Variants in AMMECR1 observed in about 807,000 individuals in gnomAD.
AMMECR1 encodes the protein AMMECR nuclear protein 1.
Under a neutral mutation model 22.5 loss-of-function variants are expected in AMMECR1, and 3 were observed. The ratio of observed to expected loss-of-function variants is 0.13; its 90% confidence interval spans 0.06 to 0.35. The LOEUF (loss-of-function observed/expected upper bound fraction) is 0.35, where lower values mean the gene tolerates loss of function less well. Among genes scored for constraint, AMMECR1 ranks in the 10% least tolerant of loss-of-function variants. The pLI is 1.00. For synonymous variants in AMMECR1, 130 were observed against 116.7 expected, an observed-to-expected ratio of 1.11 and a Z score of -0.74; for missense variants, 235 against 278.7, an observed-to-expected ratio of 0.84 and a Z score of 1.12.
At chrX:110,331,813 C>T (rs1488469170) in intron 2 of AMMECR1, among the ~76,000 whole-genome samples, 1 of 111,821 alleles carries the variant, frequency 8.9e-6, no homozygotes, top group Non-Finnish European at 1.9e-5. Context: ...ATTATCCTCC[C>T]CCCAAGACTT....
chrX:110,207,843 T>A (rs1212582707), intron 3 of AMMECR1, among the ~76,000 whole-genome samples: 5 of 111,549 alleles, frequency 4.5e-5, no homozygotes, highest in Non-Finnish European at 9.4e-5. Flanking sequence ...TACAAAAAAA[T>A]TCCCTTTAGA....
intron 3 of AMMECR1, among the ~76,000 whole-genome samples, chrX:110,202,754 T>C (rs1157080481): frequency 1.8e-5 from 2 of 111,734 alleles, no homozygotes; most frequent in African/African-American, 6.5e-5. Flanking sequence ...CAACATGCAC[T>C]AGGCTATGAT....
chrX:110,308,176 C>T (rs1349853964), intron 1 of AMMECR1, among the ~76,000 whole-genome samples: 1 of 111,625 alleles, frequency 9.0e-6, no homozygotes, highest in Admixed American at 9.5e-5. Flanking sequence ...GGCACCTAGC[C>T]AGAATAATTA....
At chrX:110,200,816 C>T in intron 5 of AMMECR1, 138 bp downstream of exon 5, 1 of 460,156 alleles carries the variant, frequency 2.2e-6, no homozygotes, top group African/African-American at 2.4e-5. Context: ...TATCCACCCT[C>T]AGTATGACCC....
At chrX:110,226,582 A>G (rs1446562356) in intron 2 of AMMECR1, among the ~76,000 whole-genome samples, 1 of 111,020 alleles carries the variant, frequency 9.0e-6, no homozygotes, top group Non-Finnish European at 1.9e-5. Flanking sequence ...ACTCCAGCCC[A>G]GGCAACAAAG....
intron 2 of AMMECR1, among the ~76,000 whole-genome samples, chrX:110,329,234 CAT>C (rs1317928792): frequency 8.9e-6 from 1 of 112,260 alleles, no homozygotes; most frequent in Non-Finnish European, 1.9e-5. Flanking sequence ...AGCTTTTTTT[CAT>C]ATGTTTCTTG....
chrX:110,203,490 T>C (rs1026936160), intron 3 of AMMECR1, among the ~76,000 whole-genome samples: 2 of 111,686 alleles, frequency 1.8e-5, no homozygotes, highest in South Asian at 3.7e-4. Context: ...TTTGTGAACA[T>C]TGATAATAAA....
chrX:110,313,032 A>G (rs1054005848), intron 1 of AMMECR1, among the ~76,000 whole-genome samples: 35 of 111,989 alleles, frequency 3.1e-4, no homozygotes, highest in African/African-American at 1.1e-3. Context: ...ATACAAATTT[A>G]ATATCATTTT....
At chrX:110,361,956 G>A (rs1465665795) in intron 2 of AMMECR1, among the ~76,000 whole-genome samples, 3 of 111,594 alleles carry the variant, frequency 2.7e-5, no homozygotes, top group Non-Finnish European at 3.8e-5. Flanking sequence ...AACAGGGAGC[G>A]GGCTAGATTT....
chrX:110,203,436 A>C (rs894546208), intron 3 of AMMECR1, among the ~76,000 whole-genome samples: 4 of 111,873 alleles, frequency 3.6e-5, no homozygotes, highest in African/African-American at 9.7e-5. Flanking sequence ...CTCACATAGA[A>C]TAGTATACAG....
chrX:110,350,414 C>T (rs1377348917), intron 2 of AMMECR1, among the ~76,000 whole-genome samples: 2 of 111,628 alleles, frequency 1.8e-5, no homozygotes, highest in Admixed American at 1.9e-4. Context: ...ACTCACCCCA[C>T]TTCTACCTAA....
At position 110,317,911 on chromosome X, in the gene AMMECR1, T is replaced by C; in HGVS notation, c.161A>G (p.Asn54Ser). The change falls in exon 1 of 6, where the codon AAC (asparagine) becomes AGC (serine). Residue 54 changes from asparagine to serine, a missense_variant. Transcript: ENST00000262844. ...LGLGGAGTRL[N>S]GLGGLTGGGS... Reference sequence around the variant, plus strand: ...TCCTCCGGTTAGACCTCCCAGCCCGTTGAGCCGCGTACCGGCGCCTCCTAG... The same window carrying C: ...TCCTCCGGTTAGACCTCCCAGCCCGCTGAGCCGCGTACCGGCGCCTCCTAG... 1 of 1,196,543 alleles carries C rather than the reference T, an allele frequency of 8.4e-7. No homozygotes were observed. The highest frequency in any genetic ancestry group is 2.3e-4 in the Middle Eastern group (1 of 4,297).
At chrX:110,413,501 C>T (rs978629596) in intron 2 of AMMECR1, among the ~76,000 whole-genome samples, 7 of 109,414 alleles carry the variant, frequency 6.4e-5, no homozygotes, top group Non-Finnish European at 1.3e-4. Flanking sequence ...TTATAACCAT[C>T]CCCTCCTGGT....
At chrX:110,250,878 A>C (rs1008190917) in intron 2 of AMMECR1, among the ~76,000 whole-genome samples, 1 of 112,060 alleles carries the variant, frequency 8.9e-6, no homozygotes, top group Admixed American at 9.5e-5. Context: ...CAATTCACAT[A>C]GTGCATCTTC....
At chrX:110,217,387 C>T (rs982043741) in intron 2 of AMMECR1, among the ~76,000 whole-genome samples, 1 of 109,120 alleles carries the variant, frequency 9.2e-6, no homozygotes, top group Non-Finnish European at 1.9e-5. Flanking sequence ...TTTCTGAGTA[C>T]ATCAACTCTG....
chrX:110,282,539 T>C (rs1409414901), intron 1 of AMMECR1, among the ~76,000 whole-genome samples: 1 of 111,765 alleles, frequency 8.9e-6, no homozygotes, highest in African/African-American at 3.3e-5. Flanking sequence ...GTATAATTAT[T>C]AATGCTATCA....
At chrX:110,405,320 C>T (rs1036763161) in intron 2 of AMMECR1, among the ~76,000 whole-genome samples, 1 of 111,516 alleles carries the variant, frequency 9.0e-6, no homozygotes, top group African/African-American at 3.3e-5. Flanking sequence ...CCAAGAGCTC[C>T]CAGAGAGGGC....
intron 2 of AMMECR1, among the ~76,000 whole-genome samples, chrX:110,232,846 C>T (rs1227048033): frequency 8.7e-5 from 8 of 92,445 alleles, no homozygotes; most frequent in South Asian, 5.9e-4. Context: ...GCTGAGATCG[C>T]GCCATTGCAC....
chrX:110,213,981 G>A (rs1338210233), intron 3 of AMMECR1, among the ~76,000 whole-genome samples: 1 of 110,946 alleles, frequency 9.0e-6, no homozygotes, highest in African/African-American at 3.3e-5. Flanking sequence ...AAAAAAATGG[G>A]GGCCAGGCAC....
Sources: allele counts gnomAD v4.1 joint callset (sites outside exome capture counted in the v4.1 genomes callset), GRCh38; gene constraint gnomAD v4.1.1; transcripts MANE v1.5; gene names NCBI Gene and HGNC (gene_info 2026-07-23, HGNC 2026-07-21).